MGAT4C: variants seen among roughly 807,000 people sequenced by gnomAD.
MGAT4C encodes alpha-1,3-mannosyl-glycoprotein 4-beta-N-acetylglucosaminyltransferase C.
MGAT4C carries 19 observed loss-of-function variants against 40.1 expected under a neutral mutation model. The observed-to-expected ratio is 0.47, with a 90% confidence interval of 0.33 to 0.70. The LOEUF is 0.70. MGAT4C is among the 30% of genes least tolerant of loss of function. The pLI is 0.02. For missense variants in MGAT4C, 491 were observed against 563.2 expected (o/e 0.87, Z 1.30); for synonymous variants, 181 against 187.1 (o/e 0.97, Z 0.27).
chr12:86,799,851 G>A (rs955314355), intron 1 of MGAT4C, among the ~76,000 whole-genome samples: 3 of 151,810 alleles, frequency 2.0e-5, no homozygotes, highest in African/African-American at 4.8e-5. Context: ...AGTGACATGA[G>A]GTAGACACTG....
At chr12:86,392,941 T>C in intron 3 of MGAT4C, among the ~76,000 whole-genome samples, 1 of 152,308 alleles carries the variant, frequency 6.6e-6, no homozygotes, top group Non-Finnish European at 1.5e-5. Flanking sequence ...ACAGTTCCAC[T>C]GTTATTGTGA....
At chr12:86,163,475 A>G (rs1885836000) in intron 1 of MGAT4C, among the ~76,000 whole-genome samples, 1 of 152,184 alleles carries the variant, frequency 6.6e-6, no homozygotes, top group Admixed American at 6.5e-5. Flanking sequence ...GATAGGAGCG[A>G]GCCACTGTGC....
At chr12:86,137,133 T>G (rs1882083091) in intron 1 of MGAT4C, among the ~76,000 whole-genome samples, 1 of 152,208 alleles carries the variant, frequency 6.6e-6, no homozygotes, top group African/African-American at 2.4e-5. Flanking sequence ...ATATACATTC[T>G]TTCCAAGTCG....
At chr12:86,758,147 C>T (rs1951337993) in intron 1 of MGAT4C, among the ~76,000 whole-genome samples, 1 of 152,206 alleles carries the variant, frequency 6.6e-6, no homozygotes, top group East Asian at 1.9e-4. Flanking sequence ...TCTACTGAAA[C>T]TCAACAAACT....
intron 1 of MGAT4C, among the ~76,000 whole-genome samples, chr12:86,251,193 T>C (rs1348686311): frequency 6.6e-6 from 1 of 151,472 alleles, no homozygotes; most frequent in Admixed American, 6.6e-5. Flanking sequence ...CAACAAATTG[T>C]ATTCCGGTAG....
At chr12:86,316,380 G>T (rs114156429) in intron 4 of MGAT4C, among the ~76,000 whole-genome samples, 397 of 152,220 alleles carry the variant, frequency 2.6e-3, no homozygotes, top group African/African-American at 9.2e-3. Context: ...ATATCCAAAA[G>T]AAAATAAATT....
chr12:86,698,687 T>G (rs1242094472), intron 2 of MGAT4C, among the ~76,000 whole-genome samples: 4 of 150,166 alleles, frequency 2.7e-5, no homozygotes, highest in East Asian at 2.0e-4. Flanking sequence ...GTGGGGGGGG[T>G]GGGTATTCTG....
At chr12:86,051,552 A>G (rs1892892370) in intron 1 of MGAT4C, among the ~76,000 whole-genome samples, 1 of 151,886 alleles carries the variant, frequency 6.6e-6, no homozygotes, top group South Asian at 2.1e-4. Context: ...TAATTAAGCA[A>G]AGATAATTTC....
In MGAT4C at chr12:85,980,032, T is replaced by G; in HGVS notation, c.694A>C (p.Asn232His). 1 of 1,613,744 alleles carries G rather than the reference T, an allele frequency of 6.2e-7. No individual in the cohort carries two copies. The highest frequency in any genetic ancestry group is 8.5e-7 in the Non-Finnish European group (1 of 1,179,878). Residue 232 changes from asparagine to histidine, a missense_variant, in exon 5 of 5, where the codon AAT (asparagine) becomes CAT (histidine). Transcript: ENST00000611864. Reference protein sequence around the residue: ...MLEDDVRCSKNFLTAIKKVIA... With the variant: ...MLEDDVRCSKHFLTAIKKVIA... ...ACTTTCTTGATGGCAGTTAAGAAAT[T>G]TTTTGAACATCGAACATCATCTTCA...
chr12:86,765,192 C>A (rs570169445), intron 1 of MGAT4C, among the ~76,000 whole-genome samples: 1 of 152,216 alleles, frequency 6.6e-6, no homozygotes, highest in South Asian at 2.1e-4. Flanking sequence ...GAGCTGAAAG[C>A]CAAGGCTCGA....
chr12:86,178,733 A>G (rs1330193299), intron 1 of MGAT4C, among the ~76,000 whole-genome samples: 1 of 152,150 alleles, frequency 6.6e-6, no homozygotes, highest in East Asian at 1.9e-4. Context: ...TAATCTTAAG[A>G]TACTCATATT....
intron 4 of MGAT4C, among the ~76,000 whole-genome samples, chr12:86,276,727 C>G (rs1953089327): frequency 6.6e-6 from 1 of 152,166 alleles, no homozygotes; most frequent in Admixed American, 6.6e-5. Context: ...AACATAATGA[C>G]CTCCAGTTCC....
intron 1 of MGAT4C, among the ~76,000 whole-genome samples, chr12:86,837,452 A>G (rs1035728552): frequency 2.0e-5 from 3 of 152,022 alleles, no homozygotes; most frequent in Non-Finnish European, 4.4e-5. Context: ...AATACACTTA[A>G]CAAGTGCTCT....
At chr12:86,704,549 T>C (rs767866830) in intron 2 of MGAT4C, among the ~76,000 whole-genome samples, 2 of 152,142 alleles carry the variant, frequency 1.3e-5, no homozygotes, top group Non-Finnish European at 2.9e-5. Context: ...TAAATATCTA[T>C]AGAATAACAT....
chr12:86,262,285 CT>C (rs1414174097), intron 4 of MGAT4C, among the ~76,000 whole-genome samples: 1 of 152,120 alleles, frequency 6.6e-6, no homozygotes, highest in Non-Finnish European at 1.5e-5. Context: ...ACTCCTTATT[CT>C]CACATGTCAA....
intron 2 of MGAT4C, among the ~76,000 whole-genome samples, chr12:86,664,398 G>C (rs900226128): frequency 2.6e-5 from 4 of 151,726 alleles, no homozygotes; most frequent in African/African-American, 9.7e-5. Flanking sequence ...TTCAATATTT[G>C]TGCAAAAGGG....
intron 3 of MGAT4C, among the ~76,000 whole-genome samples, chr12:86,361,513 G>T (rs1955469027): frequency 6.6e-6 from 1 of 152,166 alleles, no homozygotes; most frequent in South Asian, 2.1e-4. Flanking sequence ...AACAGCTTCT[G>T]CACAGCAAAA....
intron 2 of MGAT4C, among the ~76,000 whole-genome samples, chr12:86,491,763 C>T (rs1205798453): frequency 6.6e-6 from 1 of 150,838 alleles, no homozygotes; most frequent in African/African-American, 2.4e-5. Context: ...TCTCACCACT[C>T]CTATTCAACA....
intron 1 of MGAT4C, among the ~76,000 whole-genome samples, chr12:86,222,024 G>A (rs1361055072): frequency 6.6e-6 from 1 of 152,188 alleles, no homozygotes; most frequent in Non-Finnish European, 1.5e-5. Context: ...CTGTAGTGGT[G>A]TTGTGATAAT....
Sources: gnomAD v4.1 joint callset for allele counts (sites outside exome capture counted in the v4.1 genomes callset) on GRCh38, gnomAD v4.1.1 for gene constraint, MANE v1.5 for transcripts, NCBI Gene and HGNC (gene_info 2026-07-23, HGNC 2026-07-21) for gene names.